The following C6orf141 variants were observed in gnomAD, a reference collection of about 807,000 sequenced individuals.
C6orf141 encodes the protein uncharacterized protein C6orf141.
For synonymous variants in C6orf141, 164 were observed against 140.5 expected, an observed-to-expected ratio of 1.17 and a Z score of -1.18; for missense variants, 361 against 335.8, an observed-to-expected ratio of 1.07 and a Z score of -0.59.
chr6:49,558,066 T>TGTTTTTTTTTTG (rs1402308117), intron 4 of C6orf141, among the ~76,000 whole-genome samples: 4 of 135,182 alleles, frequency 3.0e-5, no homozygotes, highest in African/African-American at 1.1e-4. Context: ...TATGTTTTTT[T>TGTTTTTTTTTTG]TTTTTTTTTT....
intron 4 of C6orf141, among the ~76,000 whole-genome samples, chr6:49,558,006 C>G (rs192460100): frequency 2.0e-4 from 30 of 151,564 alleles, no homozygotes; most frequent in Non-Finnish European, 5.9e-5. Flanking sequence ...ATTTTCCTGC[C>G]TGAGCCTCCT....
chr6:49,557,058 A>G (rs888454248), downstream of C6orf141, among the ~76,000 whole-genome samples: 2 of 152,154 alleles, frequency 1.3e-5, no homozygotes, highest in African/African-American at 2.4e-5. Context: ...GTTCAAGACT[A>G]GCCTGACCAA....
chr6:49,560,454 C>T (rs868432666), intron 4 of C6orf141: 5 of 152,184 alleles, frequency 3.3e-5, no homozygotes, highest in African/African-American at 1.2e-4. Context: ...CAGGAGAGAA[C>T]AATAAGCAGT....
chr6:49,556,546 TA>T (rs940828356), downstream of C6orf141, among the ~76,000 whole-genome samples: 11 of 152,034 alleles, frequency 7.2e-5, no homozygotes, highest in African/African-American at 2.4e-4. Context: ...TAATACATTA[TA>T]AAAAACTCCT....
chr6:49,551,306 T>C lies in C6orf141; in HGVS notation c.514T>C (p.Leu172=), dbSNP rs1390514361. 1.9e-6 allele frequency: 3 copies of C among 1,551,490 alleles called. No homozygotes were observed. The highest frequency in any genetic ancestry group is 1.4e-5 in the African/African-American group (1 of 73,014). The change falls in exon 1 of 1, where the codon TTG becomes CTG. Residue 172 remains leucine, a synonymous_variant. Transcript: ENST00000529246. ...VEDYQVTQEV[L]QTSWAKGRMT... is the part of the protein sequence containing the mutation. ...GGATTATCAGGTAACACAAGAAGTG[T>C]TGCAGACCTCCTGGGCCAAGGGTCG... is the stretch of plus-strand genomic sequence containing the variant.
At chr6:49,553,988 G>A (rs759273466), downstream of C6orf141, among the ~76,000 whole-genome samples, 11 of 152,016 alleles carry the variant, frequency 7.2e-5, no homozygotes, top group Non-Finnish European at 1.0e-4. Flanking sequence ...TCAAGCCGGT[G>A]GTTTTTAATA....
intron 4 of C6orf141, among the ~76,000 whole-genome samples, chr6:49,558,061 T>TTG (rs1554168711): frequency 8.7e-6 from 1 of 114,668 alleles, no homozygotes; most frequent in Non-Finnish European, 1.7e-5. Context: ...TCAAATATGT[T>TTG]TTTTTTTTTT....
In C6orf141 at chr6:49,550,955, A is replaced by G; in HGVS notation, c.163A>G (p.Ser55Gly). The G allele has an allele frequency of 6.5e-7, 1 of 1,549,476 alleles. No individual in the cohort carries two copies. The highest frequency in any genetic ancestry group is 8.7e-7 in the Non-Finnish European group (1 of 1,146,394). Reference protein sequence around the residue: ...GARNPATAGASRSQGGGHEDR... With the variant: ...GARNPATAGAGRSQGGGHEDR... ...CCGGAATCCCGCGACGGCAGGGGCG[A>G]GCCGAAGCCAGGGCGGCGGCCACGA... Residue 55 changes from serine to glycine, a missense_variant, in exon 1 of 1, where the codon AGC (serine) becomes GGC (glycine). Coordinates refer to ENST00000529246, the MANE Select transcript of C6orf141 (RefSeq NM_001145652.2).
At chr6:49,559,231 T>TGA in intron 4 of C6orf141, among the ~76,000 whole-genome samples, 1 of 101,496 alleles carries the variant, frequency 9.9e-6, no homozygotes, top group African/African-American at 3.8e-5. Flanking sequence ...TATATATATA[T>TGA]ATTCAGTCTT....
chr6:49,559,108 A>G (rs1197682918), intron 4 of C6orf141, among the ~76,000 whole-genome samples: 1 of 146,404 alleles, frequency 6.8e-6, no homozygotes, highest in African/African-American at 2.5e-5. Flanking sequence ...AGTGGTTTTT[A>G]CTAAGACTCT....
At chr6:49,556,437 C>G (rs1378608051), downstream of C6orf141, among the ~76,000 whole-genome samples, 3 of 152,060 alleles carry the variant, frequency 2.0e-5, no homozygotes, top group Non-Finnish European at 4.4e-5. Context: ...TTTTAAAGAG[C>G]CTTATTATTT....
chr6:49,556,366 A>G (rs1771937514), downstream of C6orf141, among the ~76,000 whole-genome samples: 2 of 152,230 alleles, frequency 1.3e-5, no homozygotes, highest in Non-Finnish European at 2.9e-5. Context: ...GGAAGGTGAA[A>G]GATAGAGGAT....
chr6:49,559,773 G>A (rs1348137257), intron 4 of C6orf141, among the ~76,000 whole-genome samples: 2 of 152,156 alleles, frequency 1.3e-5, no homozygotes, highest in Admixed American at 6.5e-5. Context: ...GGAGGCATAA[G>A]GGGTACCACA....
In C6orf141 at chr6:49,550,911, C is replaced by A; in HGVS notation, c.119C>A (p.Ala40Asp). Residue 40 changes from alanine to aspartate, a missense_variant, in exon 1 of 1, where the codon GCT becomes GAT. Ala to Asp is a moderately radical substitution (Grantham distance 126). Transcript: ENST00000529246. Reference protein sequence around the residue: ...GPFPREVGRGAPLAPGARNPA... With the variant: ...GPFPREVGRGDPLAPGARNPA... The stretch of plus-strand genomic sequence containing the variant: ...TTTCCGCGGGAGGTAGGGCGCGGGG[C>A]TCCGCTAGCTCCGGGCGCCCGGAAT... 1 of 1,534,342 alleles carries A rather than the reference C, an allele frequency of 6.5e-7. No homozygotes were observed. Among genetic ancestry groups the A allele is most frequent in the Non-Finnish European group, 8.8e-7 (1 of 1,141,738 alleles).
chr6:49,553,057 C>T (rs749519707), downstream of C6orf141: 1 of 152,214 alleles, frequency 6.6e-6, no homozygotes, highest in Non-Finnish European at 1.5e-5. Context: ...TCAGCCTCCT[C>T]AGTAGCTGGG....
chr6:49,557,555 T>C (rs1285717509), intron 4 of C6orf141, among the ~76,000 whole-genome samples: 1 of 152,188 alleles, frequency 6.6e-6, no homozygotes, highest in Non-Finnish European at 1.5e-5. Context: ...AATGGTAAAT[T>C]ATTTCTCTGC....
chr6:49,554,604 A>G (rs746173949), downstream of C6orf141, among the ~76,000 whole-genome samples: 34 of 151,870 alleles, frequency 2.2e-4, no homozygotes, highest in Non-Finnish European at 4.1e-4. Context: ...GATGATCTCG[A>G]TCTCCTTGAC....
chr6:49,555,045 A>G (rs1332921050), downstream of C6orf141: 3 of 152,192 alleles, frequency 2.0e-5, no homozygotes, highest in East Asian at 5.8e-4. Context: ...TACTCCTCTG[A>G]AAAACATGAT....
At chr6:49,559,800 G>A (rs72868379) in intron 4 of C6orf141, among the ~76,000 whole-genome samples, 1 of 151,998 alleles carries the variant, frequency 6.6e-6, no homozygotes, top group African/African-American at 2.4e-5. Flanking sequence ...TTAACAAAGC[G>A]AGAGAACTTT....
Sources: gnomAD v4.1 joint callset for allele counts (sites outside exome capture counted in the v4.1 genomes callset) on GRCh38, gnomAD v4.1.1 for gene constraint, MANE v1.5 for transcripts, NCBI Gene and HGNC (gene_info 2026-07-23, HGNC 2026-07-21) for gene names.